Variants in TOP3A observed in about 807,000 individuals in gnomAD.
TOP3A encodes the protein DNA topoisomerase III alpha.
A neutral mutation model predicts 111.3 loss-of-function variants in TOP3A; 64 were observed. The observed-to-expected ratio is 0.57, with a 90% CI of 0.47 to 0.71. The LOEUF (loss-of-function observed/expected upper bound fraction) is 0.71, where lower values mean the gene tolerates loss of function less well. Ranked by LOEUF, TOP3A falls within the 30% of genes least tolerant of loss-of-function variation. TOP3A has a pLI of 0.00. For missense variants in TOP3A, 1,104 were observed against 1,285.0 expected (o/e 0.86, Z 2.15); for synonymous variants, 484 against 485.1 (o/e 1.00, Z 0.03).
Position 18,273,590 on chromosome 17 carries a change from T to C in TOP3A, c.*1212A>G, listed in dbSNP as rs1269400992. 6.6e-6 allele frequency among the ~76,000 whole-genome samples: 1 copy of C among 152,168 alleles called. No individual in the cohort carries two copies. Among genetic ancestry groups the C allele is most frequent in the Non-Finnish European group, 1.5e-5 (1 of 68,038 alleles). On this transcript the variant is annotated 3_prime_UTR_variant, in exon 19 of 19. Transcript: ENST00000321105. Reference sequence around the variant, plus strand: ...TTCTGCAAATGTTCCCCAGACCCTCTGCACTCTCGCAGGTCAGAGTAAAAA... The same window carrying C: ...TTCTGCAAATGTTCCCCAGACCCTCCGCACTCTCGCAGGTCAGAGTAAAAA...
intron 13 of TOP3A, among the ~76,000 whole-genome samples, chr17:18,289,593 G>A (rs1056714148): frequency 2.0e-5 from 3 of 152,094 alleles, no homozygotes; most frequent in African/African-American, 7.2e-5. Context: ...GGGTTTTACC[G>A]TGTTGCCCAA....
intron 9 of TOP3A, among the ~76,000 whole-genome samples, chr17:18,298,988 T>C (rs549290220): frequency 5.3e-5 from 8 of 151,122 alleles, no homozygotes; most frequent in African/African-American, 1.9e-4. Flanking sequence ...TGACCTTCCC[T>C]CCACTATTGT....
chr17:18,299,478 G>C, intron 9 of TOP3A, 81 bp downstream of exon 9: 1 of 1,291,392 alleles, frequency 7.7e-7, no homozygotes, highest in Non-Finnish European at 1.1e-6. Context: ...CTTCCACCAA[G>C]CCACAGTCTA....
intron 18 of TOP3A, among the ~76,000 whole-genome samples, chr17:18,276,009 C>T (rs927937868): frequency 6.6e-6 from 1 of 152,212 alleles, no homozygotes; most frequent in Admixed American, 6.5e-5. Flanking sequence ...CCTCCCTTCA[C>T]ACTGTGTCCA....
At chr17:18,294,356 A>T (rs1980662661) in intron 10 of TOP3A, among the ~76,000 whole-genome samples, 2 of 151,188 alleles carry the variant, frequency 1.3e-5, no homozygotes, top group South Asian at 2.1e-4. Flanking sequence ...TTTGAGATGG[A>T]GTCTCACTCA....
Position 18,299,555 on chromosome 17 carries a change from A to G in TOP3A, c.990+4T>C, listed in dbSNP as rs746978461. On this transcript the variant is annotated splice_donor_region_variant and intron_variant, in intron 9 of 18. Transcript: ENST00000321105. ...GTGCCTGAAACAGCCTGTCTGGAAC[A>G]TACCACAGTGTCCAAGGCTTGAGGC... 1 of 1,613,990 alleles carries G rather than the reference A, an allele frequency of 6.2e-7. No homozygotes were observed. Among genetic ancestry groups the G allele is most frequent in the Non-Finnish European group, 8.5e-7 (1 of 1,179,856 alleles).
Position 18,290,898 on chromosome 17 carries a change from T to G in TOP3A, c.1411A>C (p.Met471Leu). ...TCCAGATAGTTTCGGGCCAGAATCATGAGGCCATGGGCCACAAAGCGTTCC... is the reference window on the plus strand; with the variant it reads ...TCCAGATAGTTTCGGGCCAGAATCAGGAGGCCATGGGCCACAAAGCGTTCC... The part of the protein sequence containing the change: ...AQERFVAHGL[M>L]ILARNYLDVY... The change falls in exon 12 of 19, where the codon ATG becomes CTG. Residue 471 changes from methionine (M) to leucine (L), a missense_variant. Coordinates refer to ENST00000321105, the MANE Select transcript of TOP3A (RefSeq NM_004618.5). 6.2e-7 allele frequency: 1 copy of G among 1,614,216 alleles called. No individual in the cohort carries two copies. Among genetic ancestry groups the G allele is most frequent in the Non-Finnish European group, 8.5e-7 (1 of 1,180,042 alleles).
In TOP3A at chr17:18,274,583, C is replaced by T. The variant is rs750190707; in HGVS notation, c.*219G>A. On this transcript the variant is annotated 3_prime_UTR_variant, in exon 19 of 19. Transcript: ENST00000321105. The stretch of plus-strand genomic sequence containing the variant: ...GACTTTTCAGCAGTGGCTATGGTCA[C>T]TCCTGAGGCCTGGGAAGAGGGTCAC... 2.9e-6 allele frequency: 2 copies of T among 683,610 alleles called. No individual in the cohort carries two copies. Among genetic ancestry groups the T allele is most frequent in the Non-Finnish European group, 4.4e-6 (2 of 450,692 alleles). The allele number at this position is 683,610 out of a possible 1,614,324, so 42.3% of individuals were successfully genotyped here. A position where few individuals can be genotyped will look rare whatever the true frequency, so the allele number is the denominator to read the frequency against.
intron 16 of TOP3A, among the ~76,000 whole-genome samples, chr17:18,281,286 C>G (rs1979740593): frequency 6.6e-6 from 1 of 152,062 alleles, no homozygotes; most frequent in African/African-American, 2.4e-5. Context: ...GCCCCGAACT[C>G]CAATCATTTA....
intron 4 of TOP3A, among the ~76,000 whole-genome samples, chr17:18,305,728 C>T (rs1981539387): frequency 6.6e-6 from 1 of 152,080 alleles, no homozygotes; most frequent in Non-Finnish European, 1.5e-5. Context: ...GTCCCAGCTA[C>T]TCGGGAAGCT....
intron 17 of TOP3A, chr17:18,280,283 G>C: frequency 3.1e-6 from 1 of 324,334 alleles, no homozygotes. Flanking sequence ...TATCTGGAGA[G>C]GGCAGGGAAA....
chr17:18,285,621 G>C, intron 13 of TOP3A, 101 bp from the exon 14 acceptor site: 1 of 923,684 alleles, frequency 1.1e-6, no homozygotes, highest in Non-Finnish European at 1.7e-6. Context: ...CCTTTGCCTG[G>C]ACAGCCTATG....
At chr17:18,279,881 TG>T (rs1390392280) in intron 17 of TOP3A, among the ~76,000 whole-genome samples, 1 of 152,146 alleles carries the variant, frequency 6.6e-6, no homozygotes, top group Non-Finnish European at 1.5e-5. Context: ...CCAGGTGCAG[TG>T]GCTCACATCT....
At position 18,271,615 on chromosome 17, in the gene TOP3A, C is replaced by A. The variant is rs76840880; in HGVS notation, c.*3187G>T. On this transcript the variant is annotated 3_prime_UTR_variant, in exon 19 of 19. Transcript: ENST00000321105. Reference sequence around the variant, plus strand: ...GCCTGGGTCTGTCTGATCTCAGATGCCTGGCCCAGTCCATGGTGCAGCCCA... The same window carrying A: ...GCCTGGGTCTGTCTGATCTCAGATGACTGGCCCAGTCCATGGTGCAGCCCA... 6.1e-3 allele frequency: 1,701 copies of A among 278,288 alleles called. 17 individuals are homozygous for A. The highest frequency in any genetic ancestry group is 0.055 in the Middle Eastern group (78 of 1,410). The allele number at this position is 278,288 out of a possible 1,614,324, so 17.2% of individuals were successfully genotyped here. A position where few individuals can be genotyped will look rare whatever the true frequency, so the allele number is the denominator to read the frequency against.
intron 13 of TOP3A, among the ~76,000 whole-genome samples, chr17:18,289,080 C>A (rs143913340): frequency 0.024 from 3,699 of 152,032 alleles, 170 homozygotes; most frequent in African/African-American, 0.084. Flanking sequence ...TGCTGCGATC[C>A]TGGCTCACTG....
intron 3 of TOP3A, among the ~76,000 whole-genome samples, chr17:18,307,820 G>A (rs182165363): frequency 6.7e-6 from 1 of 148,230 alleles, no homozygotes; most frequent in East Asian, 2.0e-4. Context: ...TGAGGCATGA[G>A]AATCGCTTGA....
At chr17:18,275,102 T>C (rs768487841) in intron 18 of TOP3A, 122 bp from the exon 19 acceptor site, 9 of 1,395,660 alleles carry the variant, frequency 6.4e-6, no homozygotes, top group Non-Finnish European at 8.6e-6. Context: ...GAGGATTGCT[T>C]GAGCCCAGGA....
At position 18,290,673 on chromosome 17, in the gene TOP3A, T is replaced by C. The variant is rs138286093; in HGVS notation, c.1481A>G (p.Tyr494Cys). 132 of 1,603,744 alleles carry C rather than the reference T, an allele frequency of 8.2e-5. No homozygotes were observed. Among genetic ancestry groups the C allele is most frequent in the Non-Finnish European group, 1.1e-4 (124 of 1,173,876 alleles). Residue 494 changes from tyrosine to cysteine, a missense_variant, in exon 13 of 19, where the codon TAT becomes TGT. Coordinates refer to ENST00000321105, the MANE Select transcript of TOP3A (RefSeq NM_004618.5). ...DHWSDKILPVYEQGSHFQPST... is the reference protein window; with the variant it reads ...DHWSDKILPVCEQGSHFQPST... Reference sequence around the variant, plus strand: ...GGGCTGAAAGTGGGATCCTTGCTCATAGACAGGGAGGATCTACAGGGAGCG... The same window carrying C: ...GGGCTGAAAGTGGGATCCTTGCTCACAGACAGGGAGGATCTACAGGGAGCG...
intron 9 of TOP3A, among the ~76,000 whole-genome samples, chr17:18,295,457 C>T (rs1467439658): frequency 6.8e-6 from 1 of 147,756 alleles, no homozygotes; most frequent in African/African-American, 2.5e-5. Context: ...CAAAACTCTG[C>T]ATTTTAAAAA....
Sources: gnomAD v4.1 joint callset for allele counts (sites outside exome capture counted in the v4.1 genomes callset) on GRCh38, gnomAD v4.1.1 for gene constraint, MANE v1.5 for transcripts, NCBI Gene and HGNC (gene_info 2026-07-23, HGNC 2026-07-21) for gene names.